PTPRF: variants seen among roughly 807,000 people sequenced by gnomAD.
PTPRF encodes receptor-type tyrosine-protein phosphatase F.
Under a neutral mutation model 201.8 loss-of-function variants are expected in PTPRF, and 59 were observed. That is an observed-to-expected ratio of 0.29 (90% CI 0.24 to 0.36). The LOEUF (loss-of-function observed/expected upper bound fraction) is 0.36, where lower values mean the gene tolerates loss of function less well. Ranked by LOEUF, PTPRF falls within the 10% of genes least tolerant of loss-of-function variation. The probability of loss-of-function intolerance (pLI) is 1.00; values close to 1 mark genes in which losing one functional copy is unlikely to be tolerated. For synonymous variants in PTPRF, 1,088 were observed against 1,089.7 expected, an observed-to-expected ratio of 1.00 and a Z score of 0.03; for missense variants, 2,132 against 2,690.5, an observed-to-expected ratio of 0.79 and a Z score of 4.59.
chr1:43,617,006 GA>G (rs1658022948), intron 23 of PTPRF, among the ~76,000 whole-genome samples: 3 of 152,268 alleles, frequency 2.0e-5, no homozygotes, highest in Admixed American at 2.0e-4. Context: ...GACTACCTGA[GA>G]GGGGCCACCA....
chr1:43,560,921 C>T (rs1206702153), intron 5 of PTPRF, among the ~76,000 whole-genome samples: 4 of 152,170 alleles, frequency 2.6e-5, no homozygotes, highest in African/African-American at 4.8e-5. Flanking sequence ...CTATGCCATG[C>T]GGGCCAGGGA....
chr1:43,605,516 C>T lies in PTPRF; in HGVS notation c.3390-13C>T. ...CAGCAGTGACAGTCCTGATTCCTGCCCTGCCCACCCAGGTGGTTCTACATT... is the reference window on the plus strand; with the variant it reads ...CAGCAGTGACAGTCCTGATTCCTGCTCTGCCCACCCAGGTGGTTCTACATT... On this transcript the variant is annotated splice_polypyrimidine_tract_variant and intron_variant, in intron 18 of 33. Transcript: ENST00000359947. 2 of 1,614,026 alleles carry T rather than the reference C, an allele frequency of 1.2e-6. No individual in the cohort carries two copies. The highest frequency in any genetic ancestry group is 1.7e-6 in the Non-Finnish European group (2 of 1,179,914).
At chr1:43,580,650 G>A (rs2154000517) in intron 7 of PTPRF, among the ~76,000 whole-genome samples, 1 of 152,348 alleles carries the variant, frequency 6.6e-6, no homozygotes, top group Admixed American at 6.5e-5. Flanking sequence ...GTGTCTGGCA[G>A]GCATTGGGGC....
chr1:43,578,786 A>G (rs775368548), intron 6 of PTPRF, 24 bp from the exon 7 acceptor site: 1 of 1,583,012 alleles, frequency 6.3e-7, no homozygotes, highest in Non-Finnish European at 8.7e-7. Context: ...GCCGTGCCTG[A>G]CCTCTCGCTT....
rs368501227 is a variant in PTPRF, at chr1:43,591,508, G to A, written c.1486G>A (p.Asp496Asn). Residue 496 changes from aspartate (D) to asparagine (N), a missense_variant, in exon 9 of 34, where the codon GAT becomes AAT. Around this residue, in one of 6 missense-constraint regions of PTPRF, gnomAD observed 351 missense variants for 401.7 expected, o/e 0.87. Coordinates refer to ENST00000359947, the MANE Select transcript of PTPRF (RefSeq NM_002840.5). ...CGTGCTTGCCTTCACCGCCGTGGGC[G>A]ATGGCCCTCCCAGCCCCACCATCCA... ...LRVLAFTAVGDGPPSPTIQVK... is the reference protein window; with the variant it reads ...LRVLAFTAVGNGPPSPTIQVK... 22 of 1,599,952 alleles carry A rather than the reference G, an allele frequency of 1.4e-5. No individual in the cohort carries two copies. The highest frequency in any genetic ancestry group is 1.7e-5 in the Non-Finnish European group (20 of 1,175,596).
At chr1:43,621,895 A>G (rs779031671) in intron 33 of PTPRF, 40 bp from the exon 34 acceptor site, 9 of 1,602,304 alleles carry the variant, frequency 5.6e-6, no homozygotes, top group Middle Eastern at 3.3e-4. Flanking sequence ...GGGGGTGTCC[A>G]CTGGCGCGAC....
intron 2 of PTPRF, 150 bp downstream of exon 2, chr1:43,538,427 G>C (rs1644159800): frequency 5.0e-6 from 2 of 397,044 alleles, no homozygotes; most frequent in Admixed American, 8.8e-5. Context: ...GCACTGGTGA[G>C]AGATTGTGGA....
chr1:43,549,454 A>C (rs1212259700), intron 3 of PTPRF, among the ~76,000 whole-genome samples: 1 of 152,070 alleles, frequency 6.6e-6, no homozygotes, highest in Non-Finnish European at 1.5e-5. Flanking sequence ...GGCAGGGAGG[A>C]GTCTGAGGGC....
At chr1:43,571,023 C>T (rs1228574622) in intron 6 of PTPRF, among the ~76,000 whole-genome samples, 2 of 152,208 alleles carry the variant, frequency 1.3e-5, no homozygotes, top group African/African-American at 4.8e-5. Context: ...CTCCACAGAA[C>T]CACATGGACT....
intron 1 of PTPRF, 41 bp downstream of exon 1, chr1:43,531,131 C>G (rs1570835074): frequency 6.6e-6 from 1 of 150,660 alleles, no homozygotes; most frequent in East Asian, 2.0e-4. Context: ...CCTCCGCTCC[C>G]GTCCCTTCCC....
rs1220274020 is a variant in PTPRF at position 43,554,628 on chromosome 1, GGAA to G, written c.379+692_379+694del. On this transcript the variant is annotated intron_variant, in intron 5 of 33. Coordinates refer to ENST00000359947, the MANE Select transcript of PTPRF (RefSeq NM_002840.5). The surrounding 1 kb of genome is among the most constrained non-coding windows in gnomAD (Gnocchi z 4.1). ...GGCAGAGGGGGAGCTAGAGAGCACAGGAAGAAGGAGAAAGCAATTCAGCATGAG... is the reference window on the plus strand; with the variant it reads ...GGCAGAGGGGGAGCTAGAGAGCACAGGAAGGAGAAAGCAATTCAGCATGAG... 2.6e-5 allele frequency among the ~76,000 whole-genome samples: 4 copies of G among 152,052 alleles called. No individual in the cohort carries two copies. The highest frequency in any genetic ancestry group is 9.7e-5 in the African/African-American group (4 of 41,378).
intron 3 of PTPRF, among the ~76,000 whole-genome samples, chr1:43,549,281 A>G (rs1313370388): frequency 2.0e-5 from 3 of 152,176 alleles, no homozygotes; most frequent in Non-Finnish European, 1.5e-5. Context: ...GAGTAGTTCA[A>G]GTAGCTTGGT....
intron 5 of PTPRF, among the ~76,000 whole-genome samples, chr1:43,561,558 C>G (rs1242009426): frequency 6.6e-6 from 1 of 152,074 alleles, no homozygotes; most frequent in African/African-American, 2.4e-5. Flanking sequence ...TAGAAGTGGC[C>G]CCAGAACCTG....
chr1:43,538,807 G>A (rs543378808), intron 2 of PTPRF, among the ~76,000 whole-genome samples: 63 of 152,290 alleles, frequency 4.1e-4, no homozygotes, highest in African/African-American at 1.4e-3. Flanking sequence ...TCTCTTTGAT[G>A]TCCCCTTGTT....
At chr1:43,556,864 G>A (rs776211335) in intron 5 of PTPRF, among the ~76,000 whole-genome samples, 4 of 152,212 alleles carry the variant, frequency 2.6e-5, no homozygotes, top group Admixed American at 1.3e-4. Context: ...TCCGTGCTGC[G>A]TGGCATCATC....
chr1:43,603,649 A>T lies in PTPRF; in HGVS notation c.2497A>T (p.Met833Leu), dbSNP rs749468850. ...CACCATGATGATCAGCACCACGGCC[A>T]TGAACACTGCGCTGCTCCAGTGGCA... ...RPTMMISTTA[M>L]NTALLQWHPP... Residue 833 changes from methionine to leucine, a missense_variant, in exon 16 of 34, where the codon ATG becomes TTG. Physicochemically the swap from Met to Leu is conservative, Grantham distance 15. Around this residue, in one of 6 missense-constraint regions of PTPRF, gnomAD observed 818 missense variants for 915.3 expected, o/e 0.89. Coordinates refer to ENST00000359947, the MANE Select transcript of PTPRF (RefSeq NM_002840.5). The surrounding 1 kb of genome is among the most constrained non-coding windows in gnomAD (Gnocchi z 5.8). 24 of 1,613,598 alleles carry T rather than the reference A, an allele frequency of 1.5e-5. 1 individual carries two copies. The highest frequency in any genetic ancestry group is 1.3e-5 in the Non-Finnish European group (15 of 1,179,986).
intron 1 of PTPRF, among the ~76,000 whole-genome samples, chr1:43,534,843 A>G (rs915084352): frequency 6.6e-6 from 1 of 152,214 alleles, no homozygotes; most frequent in Non-Finnish European, 1.5e-5. Flanking sequence ...GACTCTGTTT[A>G]CTAGCAGCGT....
Position 43,530,997 on chromosome 1 carries a change from G to A in PTPRF, c.-219G>A. Reference sequence around the variant, plus strand: ...CAGCTCGGGTGGCGGTGGCGGGAGCGGGACCAGGTGGAGGCGGCGGCGGCA... The same window carrying A: ...CAGCTCGGGTGGCGGTGGCGGGAGCAGGACCAGGTGGAGGCGGCGGCGGCA... On this transcript the variant is annotated 5_prime_UTR_variant, in exon 1 of 34. Coordinates refer to ENST00000359947, the MANE Select transcript of PTPRF (RefSeq NM_002840.5). This position sits in a 1 kb window ranked among gnomAD's most constrained non-coding sequence, Gnocchi z 4.1. 6.4e-6 allele frequency: 1 copy of A among 157,002 alleles called. No individual in the cohort carries two copies. Among genetic ancestry groups the A allele is most frequent in the Non-Finnish European group, 1.4e-5 (1 of 71,568 alleles). The allele number at this position is 157,002 out of a possible 1,614,324, so 9.7% of individuals were successfully genotyped here. A position where few individuals can be genotyped will look rare whatever the true frequency, so the allele number is the denominator to read the frequency against.
rs907698572 is a variant in PTPRF at position 43,620,232 on chromosome 1, C to T, written c.5238+11C>T. ...CGGGAGATGGGCAGGGTGAGCCCAC[C>T]CTTTCCCCCAGGGCCCCTGTCATAC... On this transcript the variant is annotated intron_variant, in intron 30 of 33. Transcript: ENST00000359947. 6.2e-7 allele frequency: 1 copy of T among 1,613,472 alleles called. No homozygotes were observed. Among genetic ancestry groups the T allele is most frequent in the African/African-American group, 1.3e-5 (1 of 74,916 alleles).
Sources: allele counts gnomAD v4.1 joint callset (sites outside exome capture counted in the v4.1 genomes callset), GRCh38; gene constraint gnomAD v4.1.1; regional missense constraint gnomAD v4.1.1; non-coding constraint Gnocchi (gnomAD v3.1); transcripts MANE v1.5; gene names NCBI Gene and HGNC (gene_info 2026-07-23, HGNC 2026-07-21).